Variants in VPS37C observed in about 807,000 individuals in gnomAD.
VPS37C encodes the protein VPS37C subunit of ESCRT-I.
VPS37C carries 9 observed loss-of-function variants against 16.1 expected under a neutral mutation model. The ratio of observed to expected loss-of-function variants is 0.56; its 90% CI spans 0.34 to 0.97. The LOEUF (loss-of-function observed/expected upper bound fraction) is 0.97, where lower values mean the gene tolerates loss of function less well. Among genes scored for constraint, VPS37C ranks in the 50% least tolerant of loss-of-function variants. VPS37C has a pLI of 0.02. For synonymous variants in VPS37C, 207 were observed against 206.4 expected, an observed-to-expected ratio of 1.00 and a Z score of -0.02; for missense variants, 479 against 472.7, an observed-to-expected ratio of 1.01 and a Z score of -0.12.
At chr11:61,149,273 G>A (rs549180959) in intron 1 of VPS37C, among the ~76,000 whole-genome samples, 13 of 152,268 alleles carry the variant, frequency 8.5e-5, no homozygotes, top group Admixed American at 2.6e-4. Flanking sequence ...GCGACAGAGC[G>A]AGACTCCATC....
At chr11:61,146,864 C>T (rs1231881945) in intron 1 of VPS37C, among the ~76,000 whole-genome samples, 1 of 152,180 alleles carries the variant, frequency 6.6e-6, no homozygotes, top group African/African-American at 2.4e-5. Flanking sequence ...CCAGAGGTCC[C>T]AACCCCAGTG....
intron 1 of VPS37C, among the ~76,000 whole-genome samples, chr11:61,140,093 A>G (rs563602313): frequency 6.6e-6 from 1 of 152,218 alleles, no homozygotes; most frequent in East Asian, 1.9e-4. Flanking sequence ...GTTAGTTTTC[A>G]AAAGATTCCA....
intron 2 of VPS37C, among the ~76,000 whole-genome samples, chr11:61,136,762 A>G (rs1861383474): frequency 6.6e-6 from 1 of 152,246 alleles, no homozygotes; most frequent in African/African-American, 2.4e-5. Context: ...AGTCGCTACT[A>G]ACCTTTATAG....
intron 1 of VPS37C, among the ~76,000 whole-genome samples, chr11:61,149,944 T>C (rs1388280986): frequency 3.3e-5 from 5 of 152,144 alleles, no homozygotes; most frequent in Non-Finnish European, 5.9e-5. Flanking sequence ...CTCAGCCGGC[T>C]GGGAGGCTCT....
intron 2 of VPS37C, among the ~76,000 whole-genome samples, chr11:61,134,626 T>C (rs1043743970): frequency 3.9e-5 from 6 of 152,198 alleles, no homozygotes; most frequent in African/African-American, 1.4e-4. Context: ...CCTACCATGG[T>C]GGGCTCAGGT....
At chr11:61,157,911 G>A (rs1235878146) in intron 1 of VPS37C, among the ~76,000 whole-genome samples, 1 of 152,150 alleles carries the variant, frequency 6.6e-6, no homozygotes, top group African/African-American at 2.4e-5. Context: ...CATGAGAGCT[G>A]GCTGCTTAAA....
intron 2 of VPS37C, among the ~76,000 whole-genome samples, chr11:61,136,676 G>T (rs1861381471): frequency 6.6e-6 from 1 of 152,084 alleles, no homozygotes; most frequent in Admixed American, 6.6e-5. Context: ...AATTCAATCT[G>T]CCCTAGTATA....
intron 2 of VPS37C, among the ~76,000 whole-genome samples, chr11:61,137,426 G>A (rs998636660): frequency 1.3e-5 from 2 of 152,222 alleles, no homozygotes; most frequent in African/African-American, 4.8e-5. Flanking sequence ...TTCTGCCCAA[G>A]AGGTCGCTTC....
chr11:61,144,276 A>T (rs1453102540), intron 1 of VPS37C: 1 of 152,196 alleles, frequency 6.6e-6, no homozygotes, highest in African/African-American at 2.4e-5. Flanking sequence ...GCCAATTCTT[A>T]ATTTTTAATG....
chr11:61,135,283 C>T (rs1448907158), intron 2 of VPS37C, among the ~76,000 whole-genome samples: 1 of 152,220 alleles, frequency 6.6e-6, no homozygotes, highest in African/African-American at 2.4e-5. Context: ...CTACAGGGGC[C>T]GAGGTCCTGC....
chr11:61,157,149 C>T (rs676821), intron 1 of VPS37C, among the ~76,000 whole-genome samples: 4 of 152,182 alleles, frequency 2.6e-5, no homozygotes, highest in Non-Finnish European at 5.9e-5. Flanking sequence ...TCCATGGACG[C>T]TTGAATGGCT....
At chr11:61,137,896 C>T (rs1200700261) in intron 2 of VPS37C, among the ~76,000 whole-genome samples, 1 of 152,128 alleles carries the variant, frequency 6.6e-6, no homozygotes, top group Non-Finnish European at 1.5e-5. Context: ...ACCGGCCTGG[C>T]GCCCCCCATG....
intron 3 of VPS37C, among the ~76,000 whole-genome samples, 196 bp downstream of exon 3, chr11:61,133,840 G>A (rs541155762): frequency 6.6e-6 from 1 of 152,292 alleles, no homozygotes; most frequent in African/African-American, 2.4e-5. Flanking sequence ...TTTCTAAGCT[G>A]GGTGACCTTA....
At position 61,134,430 on chromosome 11, in the gene VPS37C, G is replaced by C. The variant is rs1181865561; in HGVS notation, c.94-223C>G. Among the ~76,000 whole-genome samples the C allele has an allele frequency of 3.3e-5, 5 of 152,224 alleles. No homozygotes were observed. The East Asian group carries it at 9.6e-4, about 29-fold the overall frequency. ...CTTAACCCACAGCCCACGAGGTGGA[G>C]ACGCATGGGAACCTGGCGCTGAAGG... On this transcript the variant is annotated intron_variant, in intron 2 of 4. Transcript: ENST00000301765.
In VPS37C at chr11:61,131,987, G is replaced by C. The variant is rs1405329515; in HGVS notation, c.901C>G (p.Pro301Ala). The C allele has an allele frequency of 7.4e-7, 1 of 1,345,978 alleles. No individual in the cohort carries two copies. The highest frequency in any genetic ancestry group is 9.6e-7 in the Non-Finnish European group (1 of 1,043,792). The allele number at this position is 1,345,978 out of a possible 1,614,324, so 83.4% of individuals were successfully genotyped here. A position where few individuals can be genotyped will look rare whatever the true frequency, so the allele number is the denominator to read the frequency against. ...GGTTTTCCTCCTGTTGCGGGGTATG[G>C]GGACTGTTGAGGATAACCAGGACTG... The part of the protein sequence containing the change: ...APSPGYPQQS[P>A]YPATGGKPPY... The change falls in exon 5 of 5, where the codon CCA (proline) becomes GCA (alanine). Residue 301 changes from proline to alanine, a missense_variant. Coordinates refer to ENST00000301765, the MANE Select transcript of VPS37C (RefSeq NM_017966.5).
Position 61,134,244 on chromosome 11 carries a change from C to T in VPS37C, c.94-37G>A, listed in dbSNP as rs201742240. On this transcript the variant is annotated intron_variant, in intron 2 of 4. Coordinates refer to ENST00000301765, the MANE Select transcript of VPS37C (RefSeq NM_017966.5). ...GGACAACAGAACCTAAGGAAAACGT[C>T]CATCACCCTTAACCTCCTGGCAGCC... is the stretch of plus-strand genomic sequence containing the variant. 807 of 1,591,066 alleles carry T rather than the reference C, an allele frequency of 5.1e-4. 5 individuals carry two copies. In the Admixed American group the frequency reaches 0.011, roughly 22 times the overall value.
chr11:61,150,005 G>A (rs1301437138), intron 1 of VPS37C, among the ~76,000 whole-genome samples: 1 of 152,072 alleles, frequency 6.6e-6, no homozygotes, highest in African/African-American at 2.4e-5. Flanking sequence ...TGCCCCCTAG[G>A]TCGCTGGCTT....
chr11:61,152,989 T>C (rs1853324155), intron 1 of VPS37C, among the ~76,000 whole-genome samples: 1 of 152,254 alleles, frequency 6.6e-6, no homozygotes, highest in Admixed American at 6.5e-5. Context: ...GCATTTCTTA[T>C]TTAGGAATCA....
intron 1 of VPS37C, among the ~76,000 whole-genome samples, chr11:61,139,869 G>A (rs746175284): frequency 1.3e-5 from 2 of 150,712 alleles, no homozygotes; most frequent in African/African-American, 4.9e-5. Flanking sequence ...TCAACCTCCC[G>A]ATAGCTGGCA....
Sources: allele counts gnomAD v4.1 joint callset (sites outside exome capture counted in the v4.1 genomes callset), GRCh38; gene constraint gnomAD v4.1.1; transcripts MANE v1.5; gene names NCBI Gene and HGNC (gene_info 2026-07-23, HGNC 2026-07-21).